Variants in CFAP54 observed in about 807,000 individuals in gnomAD.
CFAP54 encodes the protein cilia and flagella associated protein 54.
CFAP54 carries 290 observed loss-of-function variants against 370.4 expected under a neutral mutation model. The ratio of observed to expected loss-of-function variants is 0.78; its 90% CI spans 0.71 to 0.86. CFAP54 has a LOEUF of 0.86. Among genes scored for constraint, CFAP54 ranks in the 40% least tolerant of loss-of-function variants. CFAP54 has a pLI of 0.00. For missense variants in CFAP54, 3,399 were observed against 3,528.7 expected, an observed-to-expected ratio of 0.96 and a Z score of 0.93; for synonymous variants, 1,206 against 1,236.5, an observed-to-expected ratio of 0.98 and a Z score of 0.52.
intron 39 of CFAP54, among the ~76,000 whole-genome samples, chr12:96,678,236 T>G (rs1957232509): frequency 6.6e-6 from 1 of 152,174 alleles, no homozygotes; most frequent in Non-Finnish European, 1.5e-5. Context: ...AGTGGTTAAC[T>G]TCTATACCCC....
At chr12:96,826,480 T>C (rs1397135166) in intron 65 of CFAP54, among the ~76,000 whole-genome samples, 2 of 119,186 alleles carry the variant, frequency 1.7e-5, no homozygotes, top group Non-Finnish European at 3.2e-5. Context: ...ATATAATATA[T>C]GTAAATAATA....
intron 66 of CFAP54, among the ~76,000 whole-genome samples, chr12:96,860,476 T>C (rs1959851180): frequency 6.6e-6 from 1 of 152,236 alleles, no homozygotes; most frequent in South Asian, 2.1e-4. Flanking sequence ...TCAAGACTTA[T>C]GCTCCAAATG....
intron 58 of CFAP54, among the ~76,000 whole-genome samples, chr12:96,758,929 T>A (rs759851963): frequency 1.3e-5 from 2 of 152,166 alleles, no homozygotes; most frequent in African/African-American, 2.4e-5. Context: ...CTCAGGGAGA[T>A]CCCAGATGCA....
chr12:96,846,969 T>G (rs1258302012), intron 66 of CFAP54, among the ~76,000 whole-genome samples: 1 of 152,084 alleles, frequency 6.6e-6, no homozygotes, highest in Non-Finnish European at 1.5e-5. Flanking sequence ...ACCCCACAGT[T>G]AAGGGCTCAG....
At chr12:96,727,516 T>G (rs1957857839) in intron 50 of CFAP54, among the ~76,000 whole-genome samples, 1 of 144,918 alleles carries the variant, frequency 6.9e-6, no homozygotes, top group Non-Finnish European at 1.5e-5. Context: ...TTTTTTAGTT[T>G]TCCATTTGCT....
At chr12:96,867,605 G>A (rs1334035929) in intron 67 of CFAP54, among the ~76,000 whole-genome samples, 2 of 152,182 alleles carry the variant, frequency 1.3e-5, no homozygotes, top group Non-Finnish European at 2.9e-5. Flanking sequence ...TATGTCATTT[G>A]CCACAGCGTG....
rs763804821 is a variant in CFAP54 at position 96,708,599 on chromosome 12, A to AT, written c.6529-3dup. 3.2e-6 allele frequency: 5 copies of AT among 1,578,448 alleles called. No individual in the cohort carries two copies. The South Asian group carries it at 4.8e-5, about 15-fold the overall frequency. On this transcript the variant is annotated splice_polypyrimidine_tract_variant and intron_variant, in intron 47 of 67. Transcript: ENST00000524981. Reference sequence around the variant, plus strand: ...TAATTTGCTCTTTTTCCTTTTTTCCATTTTTTAGGCAATTGATGAATTAAG... The same window carrying AT: ...TAATTTGCTCTTTTTCCTTTTTTCCATTTTTTTAGGCAATTGATGAATTAAG...
At chr12:96,627,275 G>A (rs986686893) in intron 30 of CFAP54, among the ~76,000 whole-genome samples, 8 of 152,248 alleles carry the variant, frequency 5.3e-5, no homozygotes, top group Admixed American at 3.3e-4. Flanking sequence ...CATTTACCAC[G>A]TGTTTGTAAT....
intron 66 of CFAP54, among the ~76,000 whole-genome samples, chr12:96,856,816 C>G (rs1348742145): frequency 1.3e-5 from 2 of 151,714 alleles, no homozygotes; most frequent in Admixed American, 1.3e-4. Flanking sequence ...CTTCCAAAGT[C>G]ATTTCCACAT....
At chr12:96,802,788 C>T (rs1344525343) in intron 63 of CFAP54, among the ~76,000 whole-genome samples, 3 of 152,068 alleles carry the variant, frequency 2.0e-5, no homozygotes, top group Non-Finnish European at 2.9e-5. Context: ...TTTTAAGACC[C>T]ACATGCATTA....
rs887534360 is a variant in CFAP54, at chr12:96,866,127, TA to T, written c.*14+5181del. ...CATCTATCATCCATAATTTTGATGT[TA>T]AAAAATATATTAAGAAAGAAGTTTC... On this transcript the variant is annotated intron_variant, in intron 67 of 67. Coordinates refer to ENST00000524981, the MANE Select transcript of CFAP54 (RefSeq NM_001306084.2). Among the ~76,000 whole-genome samples the T allele has an allele frequency of 3.9e-5, 6 of 152,200 alleles. No individual in the cohort carries two copies. The East Asian group carries it at 1.2e-3, about 29-fold the overall frequency.
At chr12:96,542,887 C>T (rs35970968) in intron 14 of CFAP54, among the ~76,000 whole-genome samples, 41,808 of 152,066 alleles carry the variant, frequency 0.27, 6,029 homozygotes, top group South Asian at 0.38. Flanking sequence ...GGTTTCTCTC[C>T]TTCATACTCC....
At chr12:96,803,092 G>A (rs1958839386) in intron 63 of CFAP54, among the ~76,000 whole-genome samples, 2 of 152,164 alleles carry the variant, frequency 1.3e-5, no homozygotes, top group South Asian at 2.1e-4. Context: ...GGGCATTTGG[G>A]TTGGTTCCAA....
intron 36 of CFAP54, among the ~76,000 whole-genome samples, chr12:96,655,607 A>G (rs12582525): frequency 0.24 from 37,139 of 152,050 alleles, 5,441 homozygotes; most frequent in East Asian, 0.49. Flanking sequence ...TTTTAAATGA[A>G]ATTACAGGAA....
Position 96,625,737 on chromosome 12 carries a change from A to G in CFAP54, c.3906A>G (p.Ser1302=), listed in dbSNP as rs1956543184. ...CCTTAGATGTTACATCTGAACTCTC[A>G]GGAGGAGAGGACCCTATATTTCTTT... ...LTKQYVTSEL[S]GGEDPIFLYP... is the part of the protein sequence containing the mutation. Residue 1302 remains serine (S), a synonymous_variant, in exon 29 of 68, where the codon TCA becomes TCG. Coordinates refer to ENST00000524981, the MANE Select transcript of CFAP54 (RefSeq NM_001306084.2). 7 of 1,535,412 alleles carry G rather than the reference A, an allele frequency of 4.6e-6. No homozygotes were observed. Among genetic ancestry groups the G allele is most frequent in the African/African-American group, 1.4e-5 (1 of 73,162 alleles).
rs181882599 is a variant in CFAP54 at position 96,545,306 on chromosome 12, T to A, written c.2078-2596T>A. Among the ~76,000 whole-genome samples, 776 of 152,108 alleles carry A rather than the reference T, an allele frequency of 5.1e-3. 6 individuals are homozygous for A. The highest frequency in any genetic ancestry group is 0.018 in the African/African-American group (738 of 41,482). Reference sequence around the variant, plus strand: ...AGAACTACCTAATACAGATAACGGGTTGATGGGTGCAGCAAACCACCATGG... The same window carrying A: ...AGAACTACCTAATACAGATAACGGGATGATGGGTGCAGCAAACCACCATGG... On this transcript the variant is annotated intron_variant, in intron 14 of 67. Coordinates refer to ENST00000524981, the MANE Select transcript of CFAP54 (RefSeq NM_001306084.2).
At chr12:96,557,717 T>C (rs541134221) in intron 17 of CFAP54, among the ~76,000 whole-genome samples, 1 of 151,916 alleles carries the variant, frequency 6.6e-6, no homozygotes, top group Non-Finnish European at 1.5e-5. Flanking sequence ...AAAAATAAAA[T>C]GAAAGACTAC....
intron 14 of CFAP54, among the ~76,000 whole-genome samples, chr12:96,546,454 A>C (rs1246528433): frequency 6.6e-6 from 1 of 152,172 alleles, no homozygotes; most frequent in African/African-American, 2.4e-5. Flanking sequence ...CTTAGCTTGT[A>C]GATTTAAAAT....
chr12:96,536,773 T>A (rs1424989211), intron 12 of CFAP54, among the ~76,000 whole-genome samples: 1 of 151,912 alleles, frequency 6.6e-6, no homozygotes, highest in Non-Finnish European at 1.5e-5. Flanking sequence ...ATTACAGGCA[T>A]GTGCCACCAT....
Sources: gnomAD v4.1 joint callset for allele counts (sites outside exome capture counted in the v4.1 genomes callset) on GRCh38, gnomAD v4.1.1 for gene constraint, MANE v1.5 for transcripts, NCBI Gene and HGNC (gene_info 2026-07-23, HGNC 2026-07-21) for gene names.